Variants in RASGRF1 observed in about 807,000 individuals in gnomAD.
The protein encoded by RASGRF1 is ras-specific guanine nucleotide-releasing factor 1.
A neutral mutation model predicts 138.7 loss-of-function variants in RASGRF1; 40 were observed. The ratio of observed to expected loss-of-function variants is 0.29; its 90% CI spans 0.22 to 0.38. RASGRF1 has a LOEUF of 0.38. Among genes scored for constraint, RASGRF1 ranks in the 10% least tolerant of loss-of-function variants. RASGRF1 has a pLI of 1.00. For missense variants in RASGRF1, 1,108 were observed against 1,650.4 expected, an observed-to-expected ratio of 0.67 and a Z score of 5.69; for synonymous variants, 614 against 663.2, an observed-to-expected ratio of 0.93 and a Z score of 1.14.
chr15:79,078,107 G>A (rs138485716), intron 1 of RASGRF1, among the ~76,000 whole-genome samples: 43 of 141,186 alleles, frequency 3.0e-4, no homozygotes, highest in African/African-American at 1.1e-3. Flanking sequence ...CCCAGTGCAG[G>A]GAGTGGCTGT....
At chr15:79,088,842 CTCT>C (rs1265170958) in intron 1 of RASGRF1, among the ~76,000 whole-genome samples, 1 of 152,208 alleles carries the variant, frequency 6.6e-6, no homozygotes, top group Non-Finnish European at 1.5e-5. Context: ...CTGCTCTTTG[CTCT>C]TCTTTCCATC....
At chr15:78,984,935 A>T in intron 23 of RASGRF1, 72 bp downstream of exon 23, 1 of 1,515,172 alleles carries the variant, frequency 6.6e-7, no homozygotes, top group Non-Finnish European at 9.1e-7. Context: ...CCCAGTGGCC[A>T]GCCCACGGGT....
At chr15:79,028,081 A>G (rs1471785447) in intron 8 of RASGRF1, among the ~76,000 whole-genome samples, 1 of 152,192 alleles carries the variant, frequency 6.6e-6, no homozygotes, top group Admixed American at 6.5e-5. Flanking sequence ...TGACAGCTCA[A>G]GGAGGCAAGT....
At position 79,031,421 on chromosome 15, in the gene RASGRF1, G is replaced by T; in HGVS notation, c.1241C>A (p.Ser414Tyr). 1 of 1,611,342 alleles carries T rather than the reference G, an allele frequency of 6.2e-7. No individual in the cohort carries two copies. Among genetic ancestry groups the T allele is most frequent in the Non-Finnish European group, 8.5e-7 (1 of 1,178,624 alleles). Residue 414 changes from serine to tyrosine, a missense_variant, in exon 8 of 27, where the codon TCC (serine) becomes TAC (tyrosine). By Grantham distance (144) the Ser-to-Tyr change is moderately radical. This residue lies in a region of RASGRF1 where 169 missense variants were observed against 344.2 expected (regional missense o/e 0.49). Transcript: ENST00000558480. ...VERNSLDYAK[S>Y]KLEELSRIMH... ...TCACCTGGACAGCTCCTCCAGTTTG[G>T]ACTTGGCGTAGTCCAGGCTGTTGCG...
At chr15:79,074,063 C>A (rs1458279359) in intron 1 of RASGRF1, among the ~76,000 whole-genome samples, 3 of 152,180 alleles carry the variant, frequency 2.0e-5, no homozygotes, top group African/African-American at 4.8e-5. Flanking sequence ...CAGGAGCTGC[C>A]CCAGAGGTAA....
intron 19 of RASGRF1, chr15:78,997,833 A>G: frequency 2.0e-6 from 1 of 491,088 alleles, no homozygotes; most frequent in Non-Finnish European, 3.7e-6. Context: ...CTGTGGACAC[A>G]CATGGAGAAG....
intron 2 of RASGRF1, among the ~76,000 whole-genome samples, chr15:79,059,608 C>T (rs1031295038): frequency 2.6e-5 from 4 of 152,154 alleles, no homozygotes; most frequent in South Asian, 4.1e-4. Context: ...GAGCTAGAGT[C>T]GGGCTCCAGC....
chr15:79,078,245 C>T (rs1251316171), intron 1 of RASGRF1, among the ~76,000 whole-genome samples: 1 of 151,912 alleles, frequency 6.6e-6, no homozygotes, highest in East Asian at 1.9e-4. Flanking sequence ...ATAGGCCCCC[C>T]CGGCCCCACC....
chr15:79,031,337 G>T, intron 8 of RASGRF1, 63 bp downstream of exon 8: 1 of 1,305,924 alleles, frequency 7.7e-7, no homozygotes, highest in Non-Finnish European at 1.1e-6. Flanking sequence ...CGAACTCCTG[G>T]TGAGGGGCAC....
At chr15:78,983,422 A>T (rs1209348725) in intron 23 of RASGRF1, among the ~76,000 whole-genome samples, 2 of 152,252 alleles carry the variant, frequency 1.3e-5, no homozygotes, top group Non-Finnish European at 2.9e-5. Flanking sequence ...TGTAGAGAAC[A>T]GAAGATTTCA....
intron 26 of RASGRF1, among the ~76,000 whole-genome samples, chr15:78,964,890 G>T (rs748692729): frequency 6.6e-5 from 10 of 151,978 alleles, no homozygotes; most frequent in Non-Finnish European, 1.2e-4. Context: ...CACTTGGTAT[G>T]CTTTCATTTA....
At chr15:79,047,124 C>A (rs2057365029) in intron 4 of RASGRF1, 125 bp from the exon 5 acceptor site, 3 of 1,191,390 alleles carry the variant, frequency 2.5e-6, no homozygotes, top group African/African-American at 1.5e-5. Context: ...GGGCATGTAG[C>A]AAAAAGAGCT....
At chr15:79,090,087 G>T in intron 1 of RASGRF1, 136 bp downstream of exon 1, 2 of 1,263,288 alleles carry the variant, frequency 1.6e-6, no homozygotes, top group Non-Finnish European at 2.1e-6. Context: ...CTCCCCTCTC[G>T]CTGAGGGTGC....
chr15:79,046,404 C>T lies in RASGRF1; in HGVS notation c.878+342G>A, dbSNP rs186645269. On this transcript the variant is annotated intron_variant, in intron 5 of 26. Transcript: ENST00000558480. The surrounding 1 kb of genome is among the most constrained non-coding windows in gnomAD (Gnocchi z 5.3). Reference sequence around the variant, plus strand: ...GCATATTGTAGGATATTTAGCAGCACCTCTGGCCTCTACCCATTAGATGCC... The same window carrying T: ...GCATATTGTAGGATATTTAGCAGCATCTCTGGCCTCTACCCATTAGATGCC... 1.7e-3 allele frequency among the ~76,000 whole-genome samples: 265 copies of T among 152,344 alleles called. 2 individuals are homozygous for T. In the Middle Eastern group the frequency reaches 0.02, roughly 12 times the overall value.
Position 79,032,659 on chromosome 15 carries a change from A to G in RASGRF1, c.959-343T>C, listed in dbSNP as rs2057158882. On this transcript the variant is annotated intron_variant, in intron 6 of 26. Coordinates refer to ENST00000558480, the MANE Select transcript of RASGRF1 (RefSeq NM_001145648.3). The surrounding 1 kb of genome is among the most constrained non-coding windows in gnomAD (Gnocchi z 4.5). ...CAGCTGCCAGGAGTGCTGGTGGCCG[A>G]TGGCTGTCAGCTGGGTCCCTCTCCA... Among the ~76,000 whole-genome samples, 1 of 152,142 alleles carries G rather than the reference A, an allele frequency of 6.6e-6. No individual in the cohort carries two copies. The highest frequency in any genetic ancestry group is 2.4e-5 in the African/African-American group (1 of 41,426).
Position 79,058,325 on chromosome 15 carries a change from C to T in RASGRF1, c.531+9G>A, listed in dbSNP as rs773456897. ...TAGGGCCTGGGCCCACCCCCCAGCC[C>T]GCAGTCACCTCTGCCTTCAGCCGCT... On this transcript the variant is annotated intron_variant, in intron 3 of 26. Transcript: ENST00000558480. The T allele has an allele frequency of 4.4e-5, 71 of 1,611,538 alleles. No homozygotes were observed. The highest frequency in any genetic ancestry group is 3.4e-4 in the South Asian group (31 of 90,998).
chr15:78,998,169 C>T lies in RASGRF1; in HGVS notation c.2893G>A (p.Gly965Ser), dbSNP rs200252499. 293 of 1,614,132 alleles carry T rather than the reference C, an allele frequency of 1.8e-4. No individual in the cohort carries two copies. The highest frequency in any genetic ancestry group is 2.3e-4 in the Non-Finnish European group (268 of 1,180,004). Residue 965 changes from glycine to serine, a missense_variant, in exon 19 of 27, where the codon GGC becomes AGC. Gly to Ser is a moderately conservative substitution (Grantham distance 56). Coordinates refer to ENST00000558480, the MANE Select transcript of RASGRF1 (RefSeq NM_001145648.3). ...TNDELKCKVI[G>S]FLEEVMHDPE... ...TCGTGCATGACTTCTTCCAGGAAGC[C>T]GATCACCTTGCATTTGAGCTCATCG...
chr15:78,999,522 C>A (rs1043445671), intron 17 of RASGRF1, among the ~76,000 whole-genome samples: 1 of 152,050 alleles, frequency 6.6e-6, no homozygotes, highest in African/African-American at 2.4e-5. Flanking sequence ...GGTGCCCAAG[C>A]CAAAATAATG....
At chr15:79,017,679 AC>A in intron 12 of RASGRF1, 90 bp downstream of exon 12, 1 of 1,323,888 alleles carries the variant, frequency 7.6e-7, no homozygotes, top group Non-Finnish European at 1.0e-6. Flanking sequence ...CTACTCCACC[AC>A]CCCCACCCCC....
Sources: allele counts gnomAD v4.1 joint callset (sites outside exome capture counted in the v4.1 genomes callset), GRCh38; gene constraint gnomAD v4.1.1; regional missense constraint gnomAD v4.1.1; non-coding constraint Gnocchi (gnomAD v3.1); transcripts MANE v1.5; gene names NCBI Gene and HGNC (gene_info 2026-07-23, HGNC 2026-07-21).